The following DLG2 variants were observed in gnomAD, a reference collection of about 807,000 sequenced individuals.
DLG2 encodes discs large MAGUK scaffold protein 2.
Under a neutral mutation model 132.5 loss-of-function variants are expected in DLG2, and 45 were observed. The ratio of observed to expected loss-of-function variants is 0.34; its 90% CI spans 0.27 to 0.44. DLG2 has a LOEUF of 0.44. Ranked by LOEUF, DLG2 falls within the 20% of genes least tolerant of loss-of-function variation. The probability of loss-of-function intolerance (pLI) is 1.00; values close to 1 mark genes in which losing one functional copy is unlikely to be tolerated. For synonymous variants in DLG2, 424 were observed against 419.6 expected (o/e 1.01, Z -0.13); for missense variants, 1,045 against 1,196.9 (o/e 0.87, Z 1.87).
chr11:84,218,536 T>C (rs986075653), intron 8 of DLG2, among the ~76,000 whole-genome samples: 7 of 152,182 alleles, frequency 4.6e-5, no homozygotes, highest in African/African-American at 1.2e-4. Flanking sequence ...AAAAGACATA[T>C]GAGTGCCTGA....
intron 8 of DLG2, among the ~76,000 whole-genome samples, chr11:84,190,809 C>T (rs759573610): frequency 1.1e-4 from 17 of 152,164 alleles, no homozygotes; most frequent in Non-Finnish European, 2.4e-4. Context: ...CCTCTTCCCT[C>T]ACTCCCTTGT....
chr11:84,873,220 G>A (rs972986929), intron 6 of DLG2, among the ~76,000 whole-genome samples: 3 of 152,160 alleles, frequency 2.0e-5, no homozygotes, highest in Non-Finnish European at 2.9e-5. Context: ...GAGAGTCAGA[G>A]TTAGAAAAGA....
intron 6 of DLG2, chr11:84,936,691 G>A (rs1249017460): frequency 6.6e-6 from 1 of 151,940 alleles, no homozygotes; most frequent in Non-Finnish European, 1.5e-5. Context: ...TCTGTTTCAG[G>A]ACTTTCCTAA....
At chr11:83,634,226 G>A (rs2064203834) in intron 18 of DLG2, among the ~76,000 whole-genome samples, 1 of 151,646 alleles carries the variant, frequency 6.6e-6, no homozygotes, top group South Asian at 2.1e-4. Flanking sequence ...AAAGTTATGG[G>A]GATAAAAAAA....
At chr11:83,850,162 T>TGTGTGTGTGTGTGTGTGTGTG (rs59045992) in intron 16 of DLG2, among the ~76,000 whole-genome samples, 41 of 115,552 alleles carry the variant, frequency 3.5e-4, no homozygotes, top group Non-Finnish European at 5.4e-4. Flanking sequence ...GTGTGTGTGT[T>TGTGTGTGTGTGTGTGTGTGTG]TTTTTACTTG....
chr11:84,984,680 C>T (rs1306896865), intron 6 of DLG2, among the ~76,000 whole-genome samples: 1 of 152,006 alleles, frequency 6.6e-6, no homozygotes, highest in South Asian at 2.1e-4. Flanking sequence ...CCTAAATGCT[C>T]CACTTAAAAG....
intron 6 of DLG2, among the ~76,000 whole-genome samples, chr11:84,817,001 T>C (rs1384692837): frequency 1.3e-5 from 2 of 151,994 alleles, no homozygotes; most frequent in Non-Finnish European, 2.9e-5. Flanking sequence ...CTACTTCCTA[T>C]TACATTATAC....
chr11:83,791,436 A>G, intron 17 of DLG2: 2 of 716,792 alleles, frequency 2.8e-6, no homozygotes, highest in South Asian at 2.8e-5. Context: ...CCATATCTTT[A>G]CCATAGCAGC....
chr11:85,047,322 G>A (rs2062441247), intron 6 of DLG2, among the ~76,000 whole-genome samples: 1 of 151,804 alleles, frequency 6.6e-6, no homozygotes, highest in Admixed American at 6.6e-5. Context: ...TACTTCTCAT[G>A]GCAAACATTT....
At chr11:83,528,686 C>T (rs1442630615) in intron 21 of DLG2, among the ~76,000 whole-genome samples, 2 of 152,150 alleles carry the variant, frequency 1.3e-5, no homozygotes, top group African/African-American at 4.8e-5. Flanking sequence ...GATGCTTGCA[C>T]CTACTAACTG....
At chr11:84,853,571 A>G (rs2082404000) in intron 6 of DLG2, among the ~76,000 whole-genome samples, 1 of 152,034 alleles carries the variant, frequency 6.6e-6, no homozygotes, top group Non-Finnish European at 1.5e-5. Flanking sequence ...AGAAACATTT[A>G]TTTAGTGCCT....
At chr11:84,323,284 G>T (rs761447238) in intron 7 of DLG2, among the ~76,000 whole-genome samples, 2 of 152,048 alleles carry the variant, frequency 1.3e-5, no homozygotes, top group Non-Finnish European at 2.9e-5. Context: ...CTTATAAGCA[G>T]CATAATACCA....
intron 10 of DLG2, among the ~76,000 whole-genome samples, chr11:84,069,128 T>C (rs2154141893): frequency 6.6e-6 from 1 of 152,268 alleles, no homozygotes; most frequent in Middle Eastern, 3.4e-3. Context: ...GCTGATTCAG[T>C]AGGTCTAGAG....
In DLG2 at chr11:83,757,406, T is replaced by C. The variant is rs145179163; in HGVS notation, c.1825+29284A>G. Among the ~76,000 whole-genome samples, 379 of 152,362 alleles carry C rather than the reference T, an allele frequency of 2.5e-3. 2 individuals are homozygous for C. Among genetic ancestry groups the C allele is most frequent in the South Asian group, 9.1e-3 (44 of 4,830 alleles). ...CTTTTCAAAGCTAGAAAGTCATCAC[T>C]TAACAAAGAACTACTTTGTGGCCTA... is the stretch of plus-strand genomic sequence containing the variant. On this transcript the variant is annotated intron_variant, in intron 18 of 27. Coordinates refer to ENST00000376104, the MANE Select transcript of DLG2 (RefSeq NM_001142699.3).
chr11:83,992,594 C>T (rs777040334), intron 11 of DLG2, among the ~76,000 whole-genome samples: 59 of 152,210 alleles, frequency 3.9e-4, no homozygotes, highest in African/African-American at 8.7e-4. Flanking sequence ...TAGTTTTAGG[C>T]GGAGTGCAGT....
At chr11:85,306,382 A>T (rs1275677169) in intron 3 of DLG2, among the ~76,000 whole-genome samples, 1 of 152,150 alleles carries the variant, frequency 6.6e-6, no homozygotes, top group African/African-American at 2.4e-5. Flanking sequence ...AAGTAGGAGG[A>T]ATGGAGATAA....
intron 12 of DLG2, among the ~76,000 whole-genome samples, chr11:83,977,721 C>T (rs1181383278): frequency 6.6e-6 from 1 of 152,094 alleles, no homozygotes; most frequent in East Asian, 1.9e-4. Context: ...TTGCACAATG[C>T]TCTCAAGTTC....
At chr11:85,530,180 G>C (rs1468406138) in intron 3 of DLG2, among the ~76,000 whole-genome samples, 1 of 151,616 alleles carries the variant, frequency 6.6e-6, no homozygotes, top group African/African-American at 2.4e-5. Context: ...ATTTTTAGTA[G>C]AGATGGAGTT....
chr11:84,066,002 G>A (rs1325958408), intron 10 of DLG2, among the ~76,000 whole-genome samples: 1 of 152,138 alleles, frequency 6.6e-6, no homozygotes, highest in Non-Finnish European at 1.5e-5. Flanking sequence ...ATTTATGTAA[G>A]TGGGAGCTAA....
Sources: gnomAD v4.1 joint callset for allele counts (sites outside exome capture counted in the v4.1 genomes callset) on GRCh38, gnomAD v4.1.1 for gene constraint, MANE v1.5 for transcripts, NCBI Gene and HGNC (gene_info 2026-07-23, HGNC 2026-07-21) for gene names.